PALLD: variants seen among roughly 807,000 people sequenced by gnomAD.
The protein encoded by PALLD is palladin, cytoskeletal associated protein.
PALLD carries 61 observed loss-of-function variants against 123.5 expected under a neutral mutation model. That is an observed-to-expected ratio of 0.49 (90% CI 0.40 to 0.61). PALLD has a LOEUF of 0.61. PALLD is among the 20% of genes least tolerant of loss of function. The pLI is 0.00. For synonymous variants in PALLD, 465 were observed against 496.4 expected (o/e 0.94, Z 0.84); for missense variants, 1,273 against 1,377.0 (o/e 0.92, Z 1.20).
intron 2 of PALLD, among the ~76,000 whole-genome samples, chr4:168,528,701 T>C (rs1019359272): frequency 1.1e-4 from 16 of 152,232 alleles, no homozygotes; most frequent in African/African-American, 3.6e-4. Flanking sequence ...GAATTTGTAA[T>C]GATGAGTGAT....
At chr4:168,904,045 C>G (rs1222077663) in intron 15 of PALLD, 139 bp downstream of exon 15, 10 of 845,834 alleles carry the variant, frequency 1.2e-5, no homozygotes, top group Non-Finnish European at 1.8e-5. Context: ...CTACATCCAT[C>G]TTGGTTTCAG....
At chr4:168,614,707 TA>T (rs995307790) in intron 2 of PALLD, among the ~76,000 whole-genome samples, 22 of 151,584 alleles carry the variant, frequency 1.5e-4, no homozygotes, top group South Asian at 6.3e-4. Flanking sequence ...ATTAACTATT[TA>T]AAAAAAAATC....
At chr4:168,504,822 A>G (rs918539748) in intron 1 of PALLD, 7 of 152,212 alleles carry the variant, frequency 4.6e-5, no homozygotes, top group African/African-American at 1.7e-4. Context: ...AAATCTTTCA[A>G]TGCTACTTAC....
intron 10 of PALLD, among the ~76,000 whole-genome samples, chr4:168,723,911 T>C (rs900621053): frequency 3.4e-5 from 5 of 144,942 alleles, no homozygotes; most frequent in African/African-American, 1.3e-4. Flanking sequence ...TTTTTTTTTT[T>C]CTGGTGGAGT....
chr4:168,883,979 C>T (rs777676336), intron 10 of PALLD, among the ~76,000 whole-genome samples: 1 of 149,622 alleles, frequency 6.7e-6, no homozygotes, highest in Admixed American at 6.7e-5. Context: ...GTCTTTGTCA[C>T]CACTCTTTTT....
chr4:168,877,920 C>T, intron 10 of PALLD: 2 of 1,485,844 alleles, frequency 1.3e-6, no homozygotes, highest in Non-Finnish European at 1.8e-6. Flanking sequence ...CGCTCCGCCC[C>T]CGCCATGCAG....
intron 2 of PALLD, among the ~76,000 whole-genome samples, chr4:168,574,859 A>G (rs1371123529): frequency 6.6e-6 from 1 of 152,138 alleles, no homozygotes; most frequent in African/African-American, 2.4e-5. Context: ...AAGCTAGAGT[A>G]AGAGATTAAA....
chr4:168,690,745 G>A lies in PALLD; in HGVS notation c.1477+1G>A, dbSNP rs1782541285. The A allele has an allele frequency of 1.2e-6, 2 of 1,613,990 alleles. No individual in the cohort carries two copies. ...CCAGATTTCCGAATTCTACAGAAAAGTAAGGAGAAGTGCCCATGTCCCCAA... is the reference window on the plus strand; with the variant it reads ...CCAGATTTCCGAATTCTACAGAAAAATAAGGAGAAGTGCCCATGTCCCCAA... On this transcript the variant is annotated splice_donor_variant, in intron 7 of 21. Transcript: ENST00000505667. LOFTEE classifies it high-confidence loss of function.
At chr4:168,810,830 A>T (rs1218183711) in intron 10 of PALLD, among the ~76,000 whole-genome samples, 1 of 150,174 alleles carries the variant, frequency 6.7e-6, no homozygotes, top group Non-Finnish European at 1.5e-5. Context: ...AAAAAAAGAA[A>T]AAAAAAGAAG....
intron 10 of PALLD, among the ~76,000 whole-genome samples, chr4:168,805,940 C>A (rs1234774099): frequency 6.6e-6 from 1 of 152,106 alleles, no homozygotes; most frequent in Non-Finnish European, 1.5e-5. Flanking sequence ...GCCCTGTGTC[C>A]CTACCCAAAT....
chr4:168,589,748 A>G (rs1187404745), intron 2 of PALLD, among the ~76,000 whole-genome samples: 2 of 152,236 alleles, frequency 1.3e-5, no homozygotes, highest in African/African-American at 4.8e-5. Context: ...CTCACTCGCA[A>G]CTGAAAGAAT....
intron 2 of PALLD, among the ~76,000 whole-genome samples, chr4:168,526,817 G>A (rs1764098182): frequency 6.6e-6 from 1 of 151,704 alleles, no homozygotes; most frequent in South Asian, 2.1e-4. Flanking sequence ...CTTGAAGCCA[G>A]GGGTAAAAAA....
At chr4:168,792,531 A>G (rs1737682272) in intron 10 of PALLD, among the ~76,000 whole-genome samples, 1 of 151,628 alleles carries the variant, frequency 6.6e-6, no homozygotes, top group Non-Finnish European at 1.5e-5. Context: ...AGTCCTCTCC[A>G]CTCCAAGAAG....
At chr4:168,655,641 T>A (rs1778484390) in intron 2 of PALLD, among the ~76,000 whole-genome samples, 1 of 152,208 alleles carries the variant, frequency 6.6e-6, no homozygotes. Context: ...AAGTTTTAGC[T>A]TTTTCCAAAA....
intron 3 of PALLD, among the ~76,000 whole-genome samples, chr4:168,673,257 C>T (rs957413361): frequency 3.3e-5 from 5 of 152,184 alleles, no homozygotes; most frequent in African/African-American, 1.2e-4. Context: ...GCAGCAAGTG[C>T]TGTGAAAGAA....
Position 168,926,465 on chromosome 4 carries a change from G to A in PALLD, c.*285G>A, listed in dbSNP as rs1762591254. 44 of 977,012 alleles carry A rather than the reference G, an allele frequency of 4.5e-5. No individual in the cohort carries two copies. Among genetic ancestry groups the A allele is most frequent in the Middle Eastern group, 2.1e-4 (1 of 4,724 alleles). 60.5% of individuals were successfully genotyped at this position (977,012 alleles called of 1,614,324 possible). On this transcript the variant is annotated 3_prime_UTR_variant, in exon 22 of 22. Coordinates refer to ENST00000505667, the MANE Select transcript of PALLD (RefSeq NM_001166108.2). Reference sequence around the variant, plus strand: ...TATTCCTTTGTCACATTATGTAAAAGGCAGAAACATACCTTTGACTATAAG... The same window carrying A: ...TATTCCTTTGTCACATTATGTAAAAAGCAGAAACATACCTTTGACTATAAG...
intron 15 of PALLD, among the ~76,000 whole-genome samples, chr4:168,912,152 G>A (rs1314750676): frequency 6.6e-6 from 1 of 152,094 alleles, no homozygotes; most frequent in Non-Finnish European, 1.5e-5. Context: ...TCTACTCACA[G>A]TTGGAAAGCA....
intron 10 of PALLD, among the ~76,000 whole-genome samples, chr4:168,801,366 C>T (rs933637254): frequency 2.0e-5 from 3 of 152,218 alleles, no homozygotes; most frequent in African/African-American, 4.8e-5. Flanking sequence ...GCAACCTCTG[C>T]CTCCCGGGTT....
intron 2 of PALLD, among the ~76,000 whole-genome samples, chr4:168,661,277 G>A (rs1381029107): frequency 6.6e-6 from 1 of 152,140 alleles, no homozygotes; most frequent in Non-Finnish European, 1.5e-5. Context: ...ATTTCCTTAT[G>A]TCTACAATTG....
Sources: gnomAD v4.1 joint callset for allele counts (sites outside exome capture counted in the v4.1 genomes callset) on GRCh38, gnomAD v4.1.1 for gene constraint, MANE v1.5 for transcripts, NCBI Gene and HGNC (gene_info 2026-07-23, HGNC 2026-07-21) for gene names.